FAM151A: variants seen among roughly 807,000 people sequenced by gnomAD.
FAM151A encodes the protein family with sequence similarity 151 member A, also known as protein FAM151A.
In FAM151A, 41 loss-of-function variants were observed where a neutral mutation model predicts 40.4. The ratio of observed to expected loss-of-function variants is 1.01; its 90% confidence interval spans 0.79 to 1.32. FAM151A has a LOEUF of 1.32. FAM151A is among the 40% of genes most tolerant of loss of function. The probability of loss-of-function intolerance (pLI) is 0.00; values close to 1 mark genes in which losing one functional copy is unlikely to be tolerated. For synonymous variants in FAM151A, 337 were observed against 312.5 expected, an observed-to-expected ratio of 1.08 and a Z score of -0.83; for missense variants, 740 against 740.4, an observed-to-expected ratio of 1.00 and a Z score of 0.01.
chr1:54,610,489 C>T lies in FAM151A; in HGVS notation c.1007G>A (p.Gly336Glu). Residue 336 changes from glycine (G) to glutamate (E), a missense_variant, in exon 7 of 8, where the codon GGG becomes GAG. Coordinates refer to ENST00000302250, the MANE Select transcript of FAM151A (RefSeq NM_176782.3). The part of the protein sequence containing the change: ...GSLIPLLQLP[G>E]DDGLNVEWLV... ...CCACTCCACATTCAGACCGTCATCC[C>T]CAGGCAGCTGGAGAAGAGGGATCAG... 7 of 1,502,324 alleles carry T rather than the reference C, an allele frequency of 4.7e-6. No homozygotes were observed. The highest frequency in any genetic ancestry group is 6.4e-6 in the Non-Finnish European group (7 of 1,088,752). The allele number at this position is 1,502,324 out of a possible 1,614,324, so 93.1% of individuals were successfully genotyped here. A position where few individuals can be genotyped will look rare whatever the true frequency, so the allele number is the denominator to read the frequency against.
chr1:54,619,928 A>G lies in FAM151A; in HGVS notation c.198T>C (p.Asp66=). The change falls in exon 2 of 8, where the codon GAT becomes GAC. Residue 66 remains aspartate (D), a synonymous_variant. Coordinates refer to ENST00000302250, the MANE Select transcript of FAM151A (RefSeq NM_176782.3). ...LLSLGQISRR[D]ALEVTWYHAA... ...CGTGGTACCAGGTGACCTCCAAGGC[A>G]TCTCGCCGGCTGATCTGGCCCAGGC... 1 of 1,614,130 alleles carries G rather than the reference A, an allele frequency of 6.2e-7. No homozygotes were observed. Among genetic ancestry groups the G allele is most frequent in the Non-Finnish European group, 8.5e-7 (1 of 1,180,030 alleles).
At chr1:54,611,100 G>A (rs1226764726) in intron 6 of FAM151A, 2 of 840,066 alleles carry the variant, frequency 2.4e-6, no homozygotes, top group African/African-American at 1.8e-5. Context: ...GTTTTGAGCC[G>A]CTGTTTCTCT....
intron 4 of FAM151A, among the ~76,000 whole-genome samples, chr1:54,614,010 T>G (rs1644145191): frequency 6.6e-6 from 1 of 152,224 alleles, no homozygotes; most frequent in African/African-American, 2.4e-5. Flanking sequence ...TCATAAGAGT[T>G]AAACGGTGTT....
chr1:54,611,961 G>A (rs72641105), intron 5 of FAM151A, among the ~76,000 whole-genome samples: 8,039 of 152,086 alleles, frequency 0.053, 412 homozygotes, highest in East Asian at 0.22. Flanking sequence ...CAGGAGGGAG[G>A]GGGAGCCTGT....
At chr1:54,621,989 G>C (rs1056534368) in intron 1 of FAM151A, among the ~76,000 whole-genome samples, 2 of 152,162 alleles carry the variant, frequency 1.3e-5, no homozygotes, top group Admixed American at 1.3e-4. Flanking sequence ...AAAAGTTAAA[G>C]GGGGCCAGGC....
chr1:54,617,659 G>A lies in FAM151A; in HGVS notation c.263-1487C>T, dbSNP rs1253918189. On this transcript the variant is annotated intron_variant, in intron 2 of 7. Transcript: ENST00000302250. ...TTTAATGTGCACATAGATCCCCCAG[G>A]AACTGTAAAAATGCATGTTCTGATC... 2.1e-5 allele frequency among the ~76,000 whole-genome samples: 3 copies of A among 143,426 alleles called. No homozygotes were observed. The East Asian group carries it at 6.3e-4, about 30-fold the overall frequency. The allele number at this position is 143,426 out of a possible 152,430, so 94.1% of individuals were successfully genotyped here.
chr1:54,622,016 G>A (rs1214608132), intron 1 of FAM151A, among the ~76,000 whole-genome samples: 1 of 152,212 alleles, frequency 6.6e-6, no homozygotes, highest in East Asian at 1.9e-4. Context: ...GCTCATGCCT[G>A]TAATCCCAGC....
At chr1:54,614,499 GATA>G (rs1259077430) in intron 4 of FAM151A, among the ~76,000 whole-genome samples, 198 bp downstream of exon 4, 1 of 152,168 alleles carries the variant, frequency 6.6e-6, no homozygotes, top group Admixed American at 6.5e-5. Context: ...GTTTCTAGGA[GATA>G]ATGACTGGCC....
intron 2 of FAM151A, among the ~76,000 whole-genome samples, chr1:54,616,945 A>G (rs557606339): frequency 3.3e-5 from 5 of 151,856 alleles, no homozygotes; most frequent in East Asian, 1.9e-4. Context: ...GGCTCAAGCA[A>G]TCCTCCCACT....
Position 54,623,291 on chromosome 1 carries a change from G to T in FAM151A, c.105C>A (p.Thr35=), listed in dbSNP as rs754317541. 1.7e-5 allele frequency: 27 copies of T among 1,613,656 alleles called. No individual in the cohort carries two copies. Among genetic ancestry groups the T allele is most frequent in the Non-Finnish European group, 2.2e-5 (26 of 1,179,784 alleles). ...GGAGGCACCTACCTGGCCGCCGCAGGGTGATGGCAAGGACTATTGCGGCAA... is the reference window on the plus strand; with the variant it reads ...GGAGGCACCTACCTGGCCGCCGCAGTGTGATGGCAAGGACTATTGCGGCAA... ...VVIAAIVLAI[T]LRRPGCELEA... Residue 35 remains threonine, a synonymous_variant, in exon 1 of 8, where the codon ACC becomes ACA. Transcript: ENST00000302250.
intron 5 of FAM151A, 58 bp from the exon 6 acceptor site, chr1:54,611,803 A>G: frequency 1.9e-6 from 3 of 1,602,172 alleles, no homozygotes; most frequent in Non-Finnish European, 2.6e-6. Flanking sequence ...CCTCAGCCCC[A>G]CTCCTGTGCT....
intron 5 of FAM151A, 91 bp from the exon 6 acceptor site, chr1:54,611,836 G>T (rs1329407398): frequency 2.7e-6 from 4 of 1,480,760 alleles, no homozygotes; most frequent in African/African-American, 1.4e-5. Context: ...TCAGCTGGGC[G>T]CAGGGTAGAG....
At chr1:54,617,180 T>C (rs1264139597) in intron 2 of FAM151A, among the ~76,000 whole-genome samples, 1 of 152,160 alleles carries the variant, frequency 6.6e-6, no homozygotes, top group Non-Finnish European at 1.5e-5. Context: ...CCTTCAAGAA[T>C]TCAGTCTAGT....
chr1:54,621,176 CCTG>C lies in FAM151A; in HGVS notation c.119-1172_119-1170del, dbSNP rs138111243. On this transcript the variant is annotated intron_variant, in intron 1 of 7. Coordinates refer to ENST00000302250, the MANE Select transcript of FAM151A (RefSeq NM_176782.3). ...ACACTGTCTCAAAAAAAAAAAAAAA[CCTG>C]CGCGCGGCGGCTGACGCCTGTAATC... 1.7e-3 allele frequency among the ~76,000 whole-genome samples: 250 copies of C among 146,762 alleles called. 4 individuals carry two copies. The East Asian group carries it at 0.045, about 27-fold the overall frequency.
chr1:54,618,297 A>C (rs538460281), intron 2 of FAM151A, among the ~76,000 whole-genome samples: 1 of 152,274 alleles, frequency 6.6e-6, no homozygotes, highest in African/African-American at 2.4e-5. Context: ...TGAGTTTAGG[A>C]GTTCGAGACT....
At position 54,610,870 on chromosome 1, in the gene FAM151A, T is replaced by C. The variant is rs1025039120; in HGVS notation, c.941-315A>G. 4.1e-6 allele frequency: 4 copies of C among 985,280 alleles called. No homozygotes were observed. In the African/African-American group the frequency reaches 5.2e-5, roughly 13 times the overall value. The allele number at this position is 985,280 out of a possible 1,614,324, so 61.0% of individuals were successfully genotyped here. On this transcript the variant is annotated intron_variant, in intron 6 of 7. Transcript: ENST00000302250. Reference sequence around the variant, plus strand: ...TGAGTCTGATGGGGCCTCTTTGAGATGGCTTAACTGCGGCTCTTCTGGGTT... The same window carrying C: ...TGAGTCTGATGGGGCCTCTTTGAGACGGCTTAACTGCGGCTCTTCTGGGTT...
chr1:54,612,566 C>G lies in FAM151A; in HGVS notation c.720G>C (p.Gln240His). 1 of 1,614,078 alleles carries G rather than the reference C, an allele frequency of 6.2e-7. No individual in the cohort carries two copies. Among genetic ancestry groups the G allele is most frequent in the Non-Finnish European group, 8.5e-7 (1 of 1,179,990 alleles). ...KMHELVGGVPQRVTFPVRSSM... is the reference protein window; with the variant it reads ...KMHELVGGVPHRVTFPVRSSM... ...AAGACCGTACAGGGAAGGTGACCCT[C>G]TGGGGCACTCCTCCCACCAGCTCGT... Residue 240 changes from glutamine to histidine, a missense_variant, in exon 5 of 8, where the codon CAG becomes CAC. Gln to His is a conservative substitution (Grantham distance 24). Transcript: ENST00000302250.
chr1:54,611,474 G>T, intron 6 of FAM151A, 132 bp downstream of exon 6: 2 of 806,622 alleles, frequency 2.5e-6, no homozygotes, highest in Non-Finnish European at 2.0e-6. Flanking sequence ...CACACAAAAT[G>T]CAGCCGCCTC....
chr1:54,619,305 C>A (rs1051004827), intron 2 of FAM151A, among the ~76,000 whole-genome samples: 1 of 152,206 alleles, frequency 6.6e-6, no homozygotes, highest in Admixed American at 6.5e-5. Flanking sequence ...TCAAGCGTCA[C>A]GCAGTGGCTT....
Sources: allele counts gnomAD v4.1 joint callset (sites outside exome capture counted in the v4.1 genomes callset), GRCh38; gene constraint gnomAD v4.1.1; transcripts MANE v1.5; gene names NCBI Gene and HGNC (gene_info 2026-07-23, HGNC 2026-07-21).